The following THSD7B variants were observed in gnomAD, a reference collection of about 807,000 sequenced individuals.
THSD7B encodes the protein thrombospondin type-1 domain-containing protein 7B.
In THSD7B, 138 loss-of-function variants were observed where a neutral mutation model predicts 213.6. The ratio of observed to expected loss-of-function variants is 0.65; its 90% confidence interval spans 0.56 to 0.74. The LOEUF (loss-of-function observed/expected upper bound fraction) is 0.74, where lower values mean the gene tolerates loss of function less well. Ranked by LOEUF, THSD7B falls within the 30% of genes least tolerant of loss-of-function variation. The pLI, the probability that THSD7B is intolerant of heterozygous loss-of-function variation, is 0.00. For missense variants in THSD7B, 1,931 were observed against 1,991.5 expected (o/e 0.97, Z 0.58); for synonymous variants, 742 against 687.0 (o/e 1.08, Z -1.25).
intron 15 of THSD7B, among the ~76,000 whole-genome samples, chr2:137,525,054 T>C (rs1680254694): frequency 6.6e-6 from 1 of 152,216 alleles, no homozygotes; most frequent in Non-Finnish European, 1.5e-5. Context: ...TGGTGTTTAA[T>C]TTACTTTTCT....
intron 15 of THSD7B, among the ~76,000 whole-genome samples, chr2:137,486,144 A>C (rs1688438021): frequency 6.6e-6 from 1 of 152,126 alleles, no homozygotes; most frequent in Admixed American, 6.5e-5. Context: ...CACACATAAC[A>C]ATATTAACTT....
intron 12 of THSD7B, among the ~76,000 whole-genome samples, chr2:137,322,611 C>T (rs1200904898): frequency 6.6e-6 from 1 of 152,204 alleles, no homozygotes; most frequent in Non-Finnish European, 1.5e-5. Flanking sequence ...CCAGAGCTAG[C>T]ATCCTTAACT....
intron 4 of THSD7B, among the ~76,000 whole-genome samples, chr2:137,114,872 C>T (rs896180340): frequency 6.6e-6 from 1 of 152,144 alleles, no homozygotes; most frequent in Non-Finnish European, 1.5e-5. Flanking sequence ...GACACACTCA[C>T]TGTTTATCCA....
chr2:137,175,344 T>C (rs965142893), intron 7 of THSD7B, among the ~76,000 whole-genome samples: 1 of 152,204 alleles, frequency 6.6e-6, no homozygotes, highest in African/African-American at 2.4e-5. Context: ...TCTGCACTTC[T>C]AGAAGGCAAA....
intron 7 of THSD7B, among the ~76,000 whole-genome samples, chr2:137,218,419 CTT>C (rs1352722406): frequency 6.6e-6 from 1 of 151,934 alleles, no homozygotes; most frequent in African/African-American, 2.4e-5. Context: ...TTAAATATAT[CTT>C]AAGTGAAAGT....
intron 12 of THSD7B, among the ~76,000 whole-genome samples, chr2:137,337,095 A>G (rs1278258937): frequency 1.3e-5 from 2 of 151,644 alleles, no homozygotes; most frequent in Non-Finnish European, 2.9e-5. Context: ...TATATATTAT[A>G]GATACCTAAT....
At chr2:137,046,730 CAAA>C (rs59928985) in intron 2 of THSD7B, among the ~76,000 whole-genome samples, 1 of 44,308 alleles carries the variant, frequency 2.3e-5, no homozygotes, top group Non-Finnish European at 4.6e-5. Context: ...AACTCCGTCT[CAAA>C]AAAAAAAAAA....
chr2:137,129,043 C>T (rs182716617), intron 5 of THSD7B, among the ~76,000 whole-genome samples: 2 of 152,180 alleles, frequency 1.3e-5, no homozygotes, highest in Admixed American at 6.5e-5. Flanking sequence ...CTTATATAAG[C>T]CACGTGGCTT....
At chr2:137,568,105 G>T (rs1162469561) in intron 16 of THSD7B, among the ~76,000 whole-genome samples, 1 of 152,124 alleles carries the variant, frequency 6.6e-6, no homozygotes, top group African/African-American at 2.4e-5. Flanking sequence ...TCACCATTGA[G>T]TTTGGCAATG....
intron 9 of THSD7B, 69 bp downstream of exon 9, chr2:137,233,202 T>C (rs951449585): frequency 2.9e-6 from 4 of 1,395,922 alleles, no homozygotes; most frequent in Non-Finnish European, 3.9e-6. Context: ...TTGAAAGCAT[T>C]TATCAAGCAA....
At chr2:137,491,824 G>A (rs1011917028) in intron 15 of THSD7B, among the ~76,000 whole-genome samples, 12 of 152,218 alleles carry the variant, frequency 7.9e-5, no homozygotes, top group Admixed American at 5.2e-4. Flanking sequence ...ATTCTGGAAA[G>A]AGATGAATTA....
At position 137,176,857 on chromosome 2, in the gene THSD7B, C is replaced by T. The variant is rs191719122; in HGVS notation, c.1723+5919C>T. On this transcript the variant is annotated intron_variant, in intron 7 of 27. Coordinates refer to ENST00000409968, the MANE Select transcript of THSD7B (RefSeq NM_001316349.2). ...TTACCTACTCTTTACCAGGCTCCTCCCTTTCCTGCCTCACTTCCCCACTTT... is the reference window on the plus strand; with the variant it reads ...TTACCTACTCTTTACCAGGCTCCTCTCTTTCCTGCCTCACTTCCCCACTTT... Among the ~76,000 whole-genome samples the T allele has an allele frequency of 4.5e-3, 692 of 152,310 alleles. 1 individual carries two copies. The highest frequency in any genetic ancestry group is 7.6e-3 in the Non-Finnish European group (519 of 68,028).
At chr2:137,153,561 G>A (rs1050364000) in intron 5 of THSD7B, among the ~76,000 whole-genome samples, 15 of 152,270 alleles carry the variant, frequency 9.9e-5, no homozygotes, top group South Asian at 2.1e-4. Context: ...AGTTCTAGGA[G>A]ACAGATTTTA....
intron 12 of THSD7B, among the ~76,000 whole-genome samples, chr2:137,284,985 A>C (rs974988701): frequency 3.3e-5 from 5 of 152,068 alleles, no homozygotes; most frequent in African/African-American, 1.2e-4. Context: ...GATCTGTCTA[A>C]TGTTGACAGT....
chr2:137,531,051 G>A (rs1680388061), intron 15 of THSD7B, among the ~76,000 whole-genome samples: 1 of 151,904 alleles, frequency 6.6e-6, no homozygotes, highest in African/African-American at 2.4e-5. Context: ...GTTAAATGGT[G>A]TGTTTAAAAA....
chr2:137,242,502 C>T lies in THSD7B; in HGVS notation c.2196C>T (p.Leu732=), dbSNP rs781049129. 1.3e-5 allele frequency: 21 copies of T among 1,613,692 alleles called. No homozygotes were observed. Among genetic ancestry groups the T allele is most frequent in the East Asian group, 2.2e-5 (1 of 44,890 alleles). Reference sequence around the variant, plus strand: ...CTGAAACTGTGCGCCCCTGTTTTCTCCCATGCAAAAAAGACTGTATTGTGA... The same window carrying T: ...CTGAAACTGTGCGCCCCTGTTTTCTTCCATGCAAAAAAGACTGTATTGTGA... ...TRPETVRPCF[L]PCKKDCIVTA... Residue 732 remains leucine, a synonymous_variant, in exon 10 of 28, where the codon CTC becomes CTT. Transcript: ENST00000409968.
intron 3 of THSD7B, among the ~76,000 whole-genome samples, chr2:137,075,887 G>A (rs1022661469): frequency 2.0e-5 from 3 of 152,182 alleles, no homozygotes; most frequent in Non-Finnish European, 4.4e-5. Flanking sequence ...AGCAGCGGTG[G>A]CTGCTGAACA....
intron 7 of THSD7B, among the ~76,000 whole-genome samples, chr2:137,182,095 AG>A (rs1414734372): frequency 1.3e-5 from 2 of 152,158 alleles, no homozygotes; most frequent in African/African-American, 4.8e-5. Context: ...ATTTGTAAAT[AG>A]GGTTTCTTTG....
rs145707464 is a variant in THSD7B at position 136,767,758 on chromosome 2, G to T, written c.-36+2071G>T. Among the ~76,000 whole-genome samples, 163 of 152,270 alleles carry T rather than the reference G, an allele frequency of 1.1e-3. 2 individuals carry two copies. Among genetic ancestry groups the T allele is most frequent in the African/African-American group, 3.8e-3 (159 of 41,552 alleles). On this transcript the variant is annotated intron_variant, in intron 1 of 27. Transcript: ENST00000409968. ...TATTCTAGATTAATCTGTGATAAGG[G>T]CTTGGAGATACGTGGTCCAGGAAAG...
Sources: gnomAD v4.1 joint callset for allele counts (sites outside exome capture counted in the v4.1 genomes callset) on GRCh38, gnomAD v4.1.1 for gene constraint, MANE v1.5 for transcripts, NCBI Gene and HGNC (gene_info 2026-07-23, HGNC 2026-07-21) for gene names.